CYP2B6: variants seen among roughly 807,000 people sequenced by gnomAD.
CYP2B6 encodes cytochrome P450 2B6.
In CYP2B6, 35 loss-of-function variants were observed where a neutral mutation model predicts 43.4. The ratio of observed to expected loss-of-function variants is 0.81; its 90% CI spans 0.62 to 1.07. The LOEUF (loss-of-function observed/expected upper bound fraction) is 1.07, where lower values mean the gene tolerates loss of function less well. CYP2B6 is among the 50% of genes least tolerant of loss of function. CYP2B6 has a pLI of 0.00. For missense variants in CYP2B6, 624 were observed against 632.8 expected, an observed-to-expected ratio of 0.99 and a Z score of 0.15; for synonymous variants, 239 against 239.2, an observed-to-expected ratio of 1.00 and a Z score of 0.01.
intron 3 of CYP2B6, among the ~76,000 whole-genome samples, chr19:41,006,581 G>T (rs776676674): frequency 6.6e-6 from 1 of 151,886 alleles, no homozygotes; most frequent in African/African-American, 2.4e-5. Flanking sequence ...AGTGAGAACC[G>T]GCTGCATGGA....
chr19:41,007,306 G>C (rs1969207179), intron 4 of CYP2B6: 3 of 538,864 alleles, frequency 5.6e-6, no homozygotes, highest in Non-Finnish European at 1.0e-5. Context: ...GAGAGAGACT[G>C]AGAGAAGGAA....
chr19:40,993,852 G>GTTT (rs1968960098), intron 1 of CYP2B6, among the ~76,000 whole-genome samples: 1 of 152,082 alleles, frequency 6.6e-6, no homozygotes, highest in Non-Finnish European at 1.5e-5. Flanking sequence ...GCAATATTTG[G>GTTT]TTTTCTTCAG....
At chr19:41,001,439 G>A (rs988814418) in intron 1 of CYP2B6, among the ~76,000 whole-genome samples, 6 of 152,040 alleles carry the variant, frequency 3.9e-5, no homozygotes, top group Non-Finnish European at 8.8e-5. Flanking sequence ...GGAAGGTGGC[G>A]CTGTTGCTTC....
chr19:41,007,204 C>A (rs1969205623), intron 4 of CYP2B6, 139 bp downstream of exon 4: 1 of 848,808 alleles, frequency 1.2e-6, no homozygotes. Context: ...GAATCAGGGA[C>A]ATGGAGACCT....
chr19:40,994,039 CTT>C (rs1180033124), intron 1 of CYP2B6, among the ~76,000 whole-genome samples: 1 of 152,148 alleles, frequency 6.6e-6, no homozygotes, highest in Non-Finnish European at 1.5e-5. Flanking sequence ...TAATGTATAA[CTT>C]AGCCTCAGAT....
intron 1 of CYP2B6, among the ~76,000 whole-genome samples, chr19:40,994,537 G>A (rs1337849389): frequency 6.6e-5 from 10 of 152,006 alleles, no homozygotes; most frequent in Admixed American, 3.9e-4. Context: ...AGTTGGGGTC[G>A]TGCTATGTTG....
At chr19:41,004,241 T>A in intron 2 of CYP2B6, 56 bp from the exon 3 acceptor site, 2 of 1,612,418 alleles carry the variant, frequency 1.2e-6, no homozygotes, top group South Asian at 1.1e-5. Context: ...GAAGAAGGAC[T>A]CAGAGCCTTC....
At chr19:41,015,690 T>C (rs1020226064) in intron 8 of CYP2B6, among the ~76,000 whole-genome samples, 16 of 152,152 alleles carry the variant, frequency 1.1e-4, no homozygotes, top group South Asian at 6.2e-4. Context: ...TTATATACAA[T>C]TGGGCTTTTC....
intron 6 of CYP2B6, among the ~76,000 whole-genome samples, chr19:41,010,574 C>T (rs1449232174): frequency 2.0e-5 from 3 of 151,950 alleles, no homozygotes; most frequent in East Asian, 1.9e-4. Flanking sequence ...CCACCACACC[C>T]GGCTAATTTT....
intron 1 of CYP2B6, among the ~76,000 whole-genome samples, chr19:40,997,406 C>T (rs1158261738): frequency 7.9e-5 from 12 of 152,078 alleles, no homozygotes; most frequent in Admixed American, 6.5e-4. Flanking sequence ...CTTCCCCCTC[C>T]CATGTTGACC....
At chr19:40,993,334 C>T (rs1004493199) in intron 1 of CYP2B6, among the ~76,000 whole-genome samples, 3 of 152,100 alleles carry the variant, frequency 2.0e-5, no homozygotes, top group Non-Finnish European at 2.9e-5. Context: ...GTAACTGACT[C>T]ACAGTTCCAC....
intron 5 of CYP2B6, chr19:41,009,664 C>A: frequency 3.3e-6 from 2 of 607,102 alleles, no homozygotes; most frequent in Non-Finnish European, 5.8e-6. Context: ...AGAGAGAAGA[C>A]TGGCTGAGGA....
At chr19:41,009,126 T>A in intron 4 of CYP2B6, 93 bp from the exon 5 acceptor site, 1 of 995,724 alleles carries the variant, frequency 1.0e-6, no homozygotes, top group Non-Finnish European at 1.6e-6. Context: ...GAAGTGGGGT[T>A]CCCATGGAGG....
chr19:41,012,995 A>T, intron 8 of CYP2B6, 180 bp downstream of exon 8: 1 of 753,334 alleles, frequency 1.3e-6, no homozygotes, highest in Non-Finnish European at 2.3e-6. Context: ...AGAAGATTAC[A>T]TTCCCAAAGG....
chr19:41,017,043 T>G lies in CYP2B6; in HGVS notation c.*216T>G. The G allele has an allele frequency of 4.6e-6, 2 of 433,232 alleles. No individual in the cohort carries two copies. The highest frequency in any genetic ancestry group is 8.3e-6 in the Non-Finnish European group (2 of 239,828). The allele number at this position is 433,232 out of a possible 1,614,324, so 26.8% of individuals were successfully genotyped here. On this transcript the variant is annotated 3_prime_UTR_variant, in exon 9 of 9. Transcript: ENST00000324071. The stretch of plus-strand genomic sequence containing the variant: ...TATAATATACAAAATCATATATATA[T>G]ATATGTTCTTGTTTTTTGAGACAGA...
chr19:41,006,321 C>G (rs1969184411), intron 3 of CYP2B6, among the ~76,000 whole-genome samples: 1 of 121,362 alleles, frequency 8.2e-6, no homozygotes, highest in South Asian at 2.7e-4. Flanking sequence ...CCATGTCTAG[C>G]TACATTTTTT....
intron 4 of CYP2B6, 69 bp downstream of exon 4, chr19:41,007,134 T>C: frequency 3.4e-6 from 5 of 1,490,830 alleles, no homozygotes; most frequent in Non-Finnish European, 2.8e-6. Flanking sequence ...GAGAAAAGGA[T>C]GACCTGTCTT....
In CYP2B6 at chr19:41,012,897, G is replaced by T. The variant is rs187450706; in HGVS notation, c.1294+82G>T. 7.6e-5 allele frequency: 112 copies of T among 1,464,948 alleles called. No homozygotes were observed. The African/African-American group carries it at 1.4e-3, about 19-fold the overall frequency. 90.7% of individuals were successfully genotyped at this position (1,464,948 alleles called of 1,614,324 possible). ...CTTGAGAAAAACAACGAGAGATACT[G>T]ATTATTTGAGCACTTAATATATTCT... On this transcript the variant is annotated intron_variant, in intron 8 of 8. Coordinates refer to ENST00000324071, the MANE Select transcript of CYP2B6 (RefSeq NM_000767.5).
At chr19:40,997,675 C>G (rs1041056659) in intron 1 of CYP2B6, among the ~76,000 whole-genome samples, 2 of 152,008 alleles carry the variant, frequency 1.3e-5, no homozygotes, top group Non-Finnish European at 2.9e-5. Flanking sequence ...GTCACTTTAC[C>G]TGGAAGATAC....
Sources: gnomAD v4.1 joint callset for allele counts (sites outside exome capture counted in the v4.1 genomes callset) on GRCh38, gnomAD v4.1.1 for gene constraint, MANE v1.5 for transcripts, NCBI Gene and HGNC (gene_info 2026-07-23, HGNC 2026-07-21) for gene names.